The following DNAAF9 variants were observed in gnomAD, a reference collection of about 807,000 sequenced individuals.
The protein encoded by DNAAF9 is shulin.
Under a neutral mutation model 167.0 loss-of-function variants are expected in DNAAF9, and 90 were observed. The observed-to-expected ratio is 0.54, with a 90% CI of 0.45 to 0.64. The LOEUF (loss-of-function observed/expected upper bound fraction) is 0.64, where lower values mean the gene tolerates loss of function less well. DNAAF9 is among the 30% of genes least tolerant of loss of function. The probability of loss-of-function intolerance (pLI) is 0.00; values close to 1 mark genes in which losing one functional copy is unlikely to be tolerated. For missense variants in DNAAF9, 1,315 were observed against 1,442.2 expected, an observed-to-expected ratio of 0.91 and a Z score of 1.43; for synonymous variants, 491 against 508.8, an observed-to-expected ratio of 0.96 and a Z score of 0.47.
At chr20:3,349,214 A>AAAAAG in intron 7 of DNAAF9, among the ~76,000 whole-genome samples, 1 of 150,194 alleles carries the variant, frequency 6.7e-6, no homozygotes, top group Non-Finnish European at 1.5e-5. Flanking sequence ...CAAAAAAAAA[A>AAAAAG]AAAACACCAT....
At chr20:3,344,996 C>T (rs944146844) in intron 8 of DNAAF9, among the ~76,000 whole-genome samples, 8 of 152,054 alleles carry the variant, frequency 5.3e-5, no homozygotes, top group Admixed American at 1.3e-4. Flanking sequence ...TTACATTCTC[C>T]GGATATTTAT....
In DNAAF9 at chr20:3,302,246, A is replaced by T. The variant is rs189221036; in HGVS notation, c.1782+2194T>A. Among the ~76,000 whole-genome samples the T allele has an allele frequency of 8.9e-3, 1,358 of 152,182 alleles. 19 individuals are homozygous for T. Among genetic ancestry groups the T allele is most frequent in the African/African-American group, 0.031 (1,303 of 41,498 alleles). On this transcript the variant is annotated intron_variant, in intron 21 of 36. Coordinates refer to ENST00000252032, the MANE Select transcript of DNAAF9 (RefSeq NM_001009984.3). ...GAGCCACTGTGCCTAGCCATAAAAA[A>T]ATTTTTTTATTTTTAATTAATACAT...
intron 1 of DNAAF9, chr20:3,384,354 T>G (rs1568642111): frequency 6.6e-6 from 1 of 152,246 alleles, no homozygotes; most frequent in Non-Finnish European, 1.5e-5. Context: ...TGGTTTTTGA[T>G]GTTGCTTTGC....
chr20:3,290,179 G>A lies in DNAAF9; in HGVS notation c.2277C>T (p.His759=), dbSNP rs150518384. 36 of 1,613,216 alleles carry A rather than the reference G, an allele frequency of 2.2e-5. No individual in the cohort carries two copies. The highest frequency in any genetic ancestry group is 9.3e-5 in the African/African-American group (7 of 75,022). The change falls in exon 26 of 37, where the codon CAC becomes CAT. Residue 759 remains histidine (H), a synonymous_variant. Transcript: ENST00000252032. ...CCAGAAAAGCACAGAGCTCGCTAGCGTGACAGCCTGGGAGGCCGGTTACAA... is the reference window on the plus strand; with the variant it reads ...CCAGAAAAGCACAGAGCTCGCTAGCATGACAGCCTGGGAGGCCGGTTACAA... The part of the protein sequence containing the change: ...ISIVTGLPGC[H]ASELCAFLVT...
chr20:3,324,580 C>T (rs2069676865), intron 14 of DNAAF9, among the ~76,000 whole-genome samples: 1 of 152,202 alleles, frequency 6.6e-6, no homozygotes, highest in African/African-American at 2.4e-5. Flanking sequence ...CTAGAAACCT[C>T]ACCATTCAGG....
At chr20:3,289,318 C>G (rs369673011) in intron 26 of DNAAF9, among the ~76,000 whole-genome samples, 64 of 152,210 alleles carry the variant, frequency 4.2e-4, no homozygotes, top group African/African-American at 1.4e-3. Context: ...ATGGTGCACA[C>G]CTGTAGTCCT....
At chr20:3,314,547 A>G (rs2069470271) in intron 20 of DNAAF9, among the ~76,000 whole-genome samples, 1 of 152,168 alleles carries the variant, frequency 6.6e-6, no homozygotes, top group African/African-American at 2.4e-5. Flanking sequence ...GATTGGGAGA[A>G]GATTCTTCCC....
At chr20:3,365,681 C>T (rs1192434107) in intron 6 of DNAAF9, among the ~76,000 whole-genome samples, 3 of 152,192 alleles carry the variant, frequency 2.0e-5, no homozygotes, top group Admixed American at 6.6e-5. Flanking sequence ...CATGAGCCAC[C>T]GTGCCTGGCC....
intron 23 of DNAAF9, chr20:3,295,688 C>T: frequency 1.8e-6 from 1 of 570,866 alleles, no homozygotes; most frequent in Non-Finnish European, 3.5e-6. Context: ...GTAACACAGT[C>T]CATGGGCCTG....
chr20:3,311,405 T>A (rs771965689), intron 20 of DNAAF9, among the ~76,000 whole-genome samples: 1 of 152,048 alleles, frequency 6.6e-6, no homozygotes, highest in Non-Finnish European at 1.5e-5. Flanking sequence ...GGATTACAGA[T>A]GCTGGCTAAT....
intron 29 of DNAAF9, among the ~76,000 whole-genome samples, chr20:3,271,794 T>A (rs1332724012): frequency 1.3e-5 from 2 of 152,052 alleles, no homozygotes; most frequent in South Asian, 2.1e-4. Flanking sequence ...GCTTATTTTG[T>A]ATTTTTAGTA....
chr20:3,397,965 G>A (rs1437134390), intron 1 of DNAAF9, among the ~76,000 whole-genome samples: 1 of 152,130 alleles, frequency 6.6e-6, no homozygotes, highest in Admixed American at 6.5e-5. Context: ...AGCAGTTTCT[G>A]AGGACTATAC....
intron 1 of DNAAF9, among the ~76,000 whole-genome samples, chr20:3,387,379 G>A (rs6115867): frequency 6.6e-6 from 1 of 152,084 alleles, no homozygotes; most frequent in Non-Finnish European, 1.5e-5. Context: ...ATTTTGACAA[G>A]GATGTCAAGA....
At chr20:3,281,495 A>G (rs1205694134) in intron 28 of DNAAF9, 146 bp downstream of exon 28, 1 of 600,486 alleles carries the variant, frequency 1.7e-6, no homozygotes, top group East Asian at 3.3e-5. Context: ...TATAAGTCCA[A>G]AGGGGTCTAT....
At chr20:3,295,886 C>T in intron 23 of DNAAF9, 1 of 1,203,812 alleles carries the variant, frequency 8.3e-7, no homozygotes, top group Non-Finnish European at 1.2e-6. Flanking sequence ...GGGAGCCCAG[C>T]CAGTGCCGTC....
intron 1 of DNAAF9, among the ~76,000 whole-genome samples, chr20:3,400,797 A>G (rs778200324): frequency 3.9e-5 from 6 of 152,178 alleles, no homozygotes; most frequent in Non-Finnish European, 7.3e-5. Flanking sequence ...ATGCCACAAC[A>G]CTCACTAAAT....
At chr20:3,378,839 G>A (rs1467162958) in intron 3 of DNAAF9, among the ~76,000 whole-genome samples, 11 of 147,700 alleles carry the variant, frequency 7.4e-5, no homozygotes, top group Non-Finnish European at 1.4e-4. Context: ...AAAACTCCAT[G>A]GGTCTGACCT....
intron 12 of DNAAF9, among the ~76,000 whole-genome samples, chr20:3,327,564 A>G (rs2069734156): frequency 6.6e-6 from 1 of 152,206 alleles, no homozygotes; most frequent in African/African-American, 2.4e-5. Context: ...TTTTAAGCCC[A>G]TAAGAATCTT....
At chr20:3,325,883 G>T (rs915417010) in intron 13 of DNAAF9, among the ~76,000 whole-genome samples, 4 of 147,762 alleles carry the variant, frequency 2.7e-5, no homozygotes, top group East Asian at 2.0e-4. Context: ...TGTCTTTTTG[G>T]TTTTTTTTTT....
Sources: gnomAD v4.1 joint callset for allele counts (sites outside exome capture counted in the v4.1 genomes callset) on GRCh38, gnomAD v4.1.1 for gene constraint, MANE v1.5 for transcripts, NCBI Gene and HGNC (gene_info 2026-07-23, HGNC 2026-07-21) for gene names.